The following SCN11A variants were observed in gnomAD, a reference collection of about 807,000 sequenced individuals.
SCN11A encodes sodium channel protein type 11 subunit alpha.
SCN11A carries 122 observed loss-of-function variants against 162.2 expected under a neutral mutation model. The observed-to-expected ratio is 0.75, with a 90% confidence interval of 0.65 to 0.87. The LOEUF is 0.87. Ranked by LOEUF, SCN11A falls within the 40% of genes least tolerant of loss-of-function variation. The pLI, the probability that SCN11A is intolerant of heterozygous loss-of-function variation, is 0.00. For missense variants in SCN11A, 2,015 were observed against 2,181.6 expected, an observed-to-expected ratio of 0.92 and a Z score of 1.52; for synonymous variants, 758 against 751.5, an observed-to-expected ratio of 1.01 and a Z score of -0.14.
intron 2 of SCN11A, among the ~76,000 whole-genome samples, chr3:38,984,700 G>A (rs989986272): frequency 9.9e-5 from 15 of 152,088 alleles, no homozygotes; most frequent in Admixed American, 7.8e-4. Context: ...TAGTAGAGAC[G>A]GGGTTTCACC....
intron 16 of SCN11A, among the ~76,000 whole-genome samples, chr3:38,903,615 T>C (rs2065739196): frequency 6.6e-6 from 1 of 152,174 alleles, no homozygotes; most frequent in Non-Finnish European, 1.5e-5. Context: ...GATGTCTGCT[T>C]GTATCTGGCT....
At chr3:39,012,666 G>A (rs1230506412) in intron 2 of SCN11A, among the ~76,000 whole-genome samples, 1 of 151,942 alleles carries the variant, frequency 6.6e-6, no homozygotes, top group Admixed American at 6.6e-5. Flanking sequence ...TTAGAGACAG[G>A]GTTTCACCAT....
chr3:38,898,184 G>C (rs1327091221), intron 17 of SCN11A, among the ~76,000 whole-genome samples: 1 of 152,192 alleles, frequency 6.6e-6, no homozygotes, highest in Non-Finnish European at 1.5e-5. Context: ...GTTGCAGTGA[G>C]CTGAGATCAC....
chr3:39,027,075 C>T (rs936151243), intron 2 of SCN11A, among the ~76,000 whole-genome samples: 1 of 152,080 alleles, frequency 6.6e-6, no homozygotes, highest in Non-Finnish European at 1.5e-5. Flanking sequence ...CACTTCCTCC[C>T]ATGGAGGCCA....
At chr3:38,942,443 A>G (rs2066456141) in intron 7 of SCN11A, among the ~76,000 whole-genome samples, 1 of 152,198 alleles carries the variant, frequency 6.6e-6, no homozygotes, top group Admixed American at 6.5e-5. Flanking sequence ...AAGATAGACT[A>G]TAAAAGATGT....
At chr3:39,051,118 T>G (rs1333805149) in intron 1 of SCN11A, among the ~76,000 whole-genome samples, 8 of 147,302 alleles carry the variant, frequency 5.4e-5, no homozygotes, top group Admixed American at 5.3e-4. Context: ...TCTTTTTGTC[T>G]TGTTTTTTTT....
intron 2 of SCN11A, among the ~76,000 whole-genome samples, chr3:38,977,924 C>T (rs1451586006): frequency 6.6e-6 from 1 of 152,158 alleles, no homozygotes; most frequent in Non-Finnish European, 1.5e-5. Context: ...AATGGTCAGA[C>T]CATCTTCAGC....
chr3:38,929,412 G>A (rs930574761), intron 7 of SCN11A, among the ~76,000 whole-genome samples: 2 of 152,146 alleles, frequency 1.3e-5, no homozygotes, highest in Non-Finnish European at 2.9e-5. Flanking sequence ...GAAATGGGGA[G>A]TTGGTATTTC....
intron 19 of SCN11A, among the ~76,000 whole-genome samples, chr3:38,890,288 G>A (rs537006133): frequency 6.6e-6 from 1 of 152,330 alleles, no homozygotes; most frequent in Admixed American, 6.5e-5. Flanking sequence ...AGTTTGCCCA[G>A]AGTGGGAGGT....
intron 2 of SCN11A, among the ~76,000 whole-genome samples, chr3:39,024,244 G>A (rs939561202): frequency 2.0e-5 from 3 of 152,242 alleles, no homozygotes; most frequent in Non-Finnish European, 2.9e-5. Context: ...ATGTAGAAAT[G>A]TGATTAGACA....
intron 11 of SCN11A, among the ~76,000 whole-genome samples, chr3:38,912,298 C>T (rs967948211): frequency 1.3e-5 from 2 of 152,034 alleles, no homozygotes; most frequent in Non-Finnish European, 2.9e-5. Flanking sequence ...TAAGCCTCTC[C>T]GCCAGCATCC....
chr3:39,045,775 T>C (rs1446524793), intron 1 of SCN11A, among the ~76,000 whole-genome samples: 4 of 152,070 alleles, frequency 2.6e-5, no homozygotes, highest in East Asian at 1.9e-4. Context: ...TTCAACATAG[T>C]ATGGAGAATG....
intron 5 of SCN11A, among the ~76,000 whole-genome samples, chr3:38,947,533 G>A (rs544822294): frequency 2.0e-5 from 3 of 152,352 alleles, no homozygotes; most frequent in South Asian, 4.1e-4. Context: ...GTTGTCTGCT[G>A]TAATGACTAT....
At chr3:38,912,500 C>T (rs190996065) in intron 11 of SCN11A, among the ~76,000 whole-genome samples, 3 of 152,132 alleles carry the variant, frequency 2.0e-5, no homozygotes, top group Admixed American at 2.0e-4. Flanking sequence ...ATTTTAGGTT[C>T]TGGCGTACAT....
At chr3:38,947,624 C>T (rs1367210287) in intron 5 of SCN11A, among the ~76,000 whole-genome samples, 1 of 152,208 alleles carries the variant, frequency 6.6e-6, no homozygotes, top group Non-Finnish European at 1.5e-5. Flanking sequence ...TGCCCGCCCC[C>T]CCACAAAGTG....
At chr3:38,976,175 TA>T (rs2066848119) in intron 2 of SCN11A, among the ~76,000 whole-genome samples, 1 of 152,204 alleles carries the variant, frequency 6.6e-6, no homozygotes, top group South Asian at 2.1e-4. Context: ...GGATTTAAAA[TA>T]ACAATCCAGT....
intron 4 of SCN11A, among the ~76,000 whole-genome samples, chr3:38,951,194 G>A (rs1163641210): frequency 2.6e-5 from 4 of 152,224 alleles, no homozygotes; most frequent in Non-Finnish European, 2.9e-5. Flanking sequence ...CGGCGCTTGC[G>A]GGCCAGCTGG....
At chr3:38,918,987 G>A (rs1351011140) in intron 11 of SCN11A, among the ~76,000 whole-genome samples, 2 of 152,146 alleles carry the variant, frequency 1.3e-5, no homozygotes, top group African/African-American at 4.8e-5. Flanking sequence ...TAGACTATGT[G>A]GCATAGCCTA....
chr3:38,877,945 T>A (rs1012872326), intron 23 of SCN11A, among the ~76,000 whole-genome samples: 1 of 151,476 alleles, frequency 6.6e-6, no homozygotes, highest in Admixed American at 6.6e-5. Flanking sequence ...ACATTTTATG[T>A]TCTTACTCAT....
Sources: allele counts gnomAD v4.1 joint callset (sites outside exome capture counted in the v4.1 genomes callset), GRCh38; gene constraint gnomAD v4.1.1; transcripts MANE v1.5; gene names NCBI Gene and HGNC (gene_info 2026-07-23, HGNC 2026-07-21).